Variants in SH3BP2 observed in about 807,000 individuals in gnomAD.
SH3BP2 encodes SH3 domain binding protein 2.
SH3BP2 carries 38 observed loss-of-function variants against 56.2 expected under a neutral mutation model. The ratio of observed to expected loss-of-function variants is 0.68; its 90% CI spans 0.52 to 0.89. SH3BP2 has a LOEUF of 0.89. Among genes scored for constraint, SH3BP2 ranks in the 40% least tolerant of loss-of-function variants. SH3BP2 has a pLI of 0.00. For missense variants in SH3BP2, 748 were observed against 762.6 expected (o/e 0.98, Z 0.23); for synonymous variants, 346 against 316.7 (o/e 1.09, Z -0.98).
In SH3BP2 at chr4:2,829,958, C is replaced by G. The variant is rs1724890588; in HGVS notation, c.1052C>G (p.Pro351Arg). 2.5e-6 allele frequency: 4 copies of G among 1,613,420 alleles called. No homozygotes were observed. The highest frequency in any genetic ancestry group is 2.2e-5 in the East Asian group (1 of 44,896). Residue 351 changes from proline (P) to arginine (R), a missense_variant, in exon 8 of 13, where the codon CCT becomes CGT. Transcript: ENST00000503393. This position sits in a 1 kb window ranked among gnomAD's most constrained non-coding sequence, Gnocchi z 4.9. Reference protein sequence around the residue: ...PRGPPTSEPPPVPANKPKFLK... With the variant: ...PRGPPTSEPPRVPANKPKFLK... ...GGACCACCCACATCTGAGCCCCCAC[C>G]TGTGCCAGCCAACAAGCCCAAGTTC... is the stretch of plus-strand genomic sequence containing the variant.
chr4:2,831,918 T>C lies in SH3BP2; in HGVS notation c.1351-5T>C, dbSNP rs1212818122. On this transcript the variant is annotated splice_polypyrimidine_tract_variant and splice_region_variant and intron_variant, in intron 9 of 12. Coordinates refer to ENST00000503393, the MANE Select transcript of SH3BP2 (RefSeq NM_001122681.2). The surrounding 1 kb of genome is among the most constrained non-coding windows in gnomAD (Gnocchi z 4.1). ...GTTGGCACTGACACCGTCAGCCTCT[T>C]GCAGGTGCCACTGCCCAACTCGGTC... 1 of 1,612,712 alleles carries C rather than the reference T, an allele frequency of 6.2e-7. No homozygotes were observed. The highest frequency in any genetic ancestry group is 8.5e-7 in the Non-Finnish European group (1 of 1,179,992).
chr4:2,802,478 A>C (rs28522320), intron 1 of SH3BP2, among the ~76,000 whole-genome samples: 34,463 of 146,804 alleles, frequency 0.23, 4,686 homozygotes, highest in African/African-American at 0.36. Context: ...GTGTATGTGT[A>C]TATATATGTG....
intron 1 of SH3BP2, chr4:2,814,849 T>C (rs1432086117): frequency 2.6e-5 from 4 of 152,326 alleles, no homozygotes; most frequent in African/African-American, 9.6e-5. Flanking sequence ...CGCAGCAGCA[T>C]GGTGACAGGT....
chr4:2,802,244 C>T (rs1354464139), intron 1 of SH3BP2, among the ~76,000 whole-genome samples: 4 of 152,054 alleles, frequency 2.6e-5, no homozygotes, highest in Non-Finnish European at 4.4e-5. Context: ...ACTAAAAATA[C>T]AAATTAGCTG....
At position 2,840,252 on chromosome 4, in the gene SH3BP2, AAAG is replaced by A. The variant is rs1279161404; in HGVS notation, c.*6421_*6423del. On this transcript the variant is annotated 3_prime_UTR_variant, in exon 13 of 13. Coordinates refer to ENST00000503393, the MANE Select transcript of SH3BP2 (RefSeq NM_001122681.2). ...AAAAAACCAAAAAAAAAAAAAAAAA[AAAG>A]AAAACCACTGAAATTATTTCCACTC... 47 of 151,592 alleles carry A rather than the reference AAAG, an allele frequency of 3.1e-4. No individual in the cohort carries two copies. The highest frequency in any genetic ancestry group is 1.0e-3 in the African/African-American group (42 of 41,274). 9.4% of individuals were successfully genotyped at this position (151,592 alleles called of 1,614,324 possible).
At chr4:2,799,458 T>A (rs746742603) in intron 1 of SH3BP2, among the ~76,000 whole-genome samples, 1 of 152,164 alleles carries the variant, frequency 6.6e-6, no homozygotes. Flanking sequence ...TTCTTGAGGA[T>A]GTGACCAGGA....
chr4:2,827,660 C>G lies in SH3BP2; in HGVS notation c.572C>G (p.Pro191Arg), dbSNP rs764460704. ...DSYLEPDSPEPGRLEDALMHP... is the reference protein window; with the variant it reads ...DSYLEPDSPERGRLEDALMHP... ...TACCTGGAGCCTGACTCCCCGGAGC[C>G]CGGAAGGCTTGAGGGTAGGTGGGGC... The change falls in exon 7 of 13, where the codon CCC becomes CGC. Residue 191 changes from proline to arginine, a missense_variant. Around this residue, in one of 3 missense-constraint regions of SH3BP2, gnomAD observed 635 missense variants for 615.0 expected, o/e 1.03. Transcript: ENST00000503393. The G allele has an allele frequency of 7.5e-6, 12 of 1,593,344 alleles. No individual in the cohort carries two copies. The highest frequency in any genetic ancestry group is 1.0e-5 in the Non-Finnish European group (12 of 1,169,604).
At chr4:2,818,160 C>T (rs1010680616) in intron 1 of SH3BP2, 4 of 962,220 alleles carry the variant, frequency 4.2e-6, no homozygotes, top group Admixed American at 6.1e-5. Flanking sequence ...GGATCCTCAC[C>T]TGCCCGCCCA....
At chr4:2,824,273 G>C (rs888065620) in intron 3 of SH3BP2, among the ~76,000 whole-genome samples, 1 of 152,206 alleles carries the variant, frequency 6.6e-6, no homozygotes, top group African/African-American at 2.4e-5. Context: ...GTACCCCAGG[G>C]AGGCCAAGCA....
At position 2,820,691 on chromosome 4, in the gene SH3BP2, G is replaced by A; in HGVS notation, c.74G>A (p.Gly25Glu). The change falls in exon 2 of 13, where the codon GGG becomes GAG. Residue 25 changes from glycine to glutamate, a missense_variant. Around this residue, in one of 3 missense-constraint regions of SH3BP2, gnomAD observed 104 missense variants for 123.1 expected, o/e 0.84. Coordinates refer to ENST00000503393, the MANE Select transcript of SH3BP2 (RefSeq NM_001122681.2). ...IGAQNLLTMP[G>E]GVAKAGYLHK... ...GCCCAGAACCTGCTAACCATGCCTG[G>A]GGGCGTGGCCAAGGCTGGCTACCTG... 6.2e-7 allele frequency: 1 copy of A among 1,614,168 alleles called. No homozygotes were observed. The highest frequency in any genetic ancestry group is 8.5e-7 in the Non-Finnish European group (1 of 1,180,000).
intron 1 of SH3BP2, among the ~76,000 whole-genome samples, chr4:2,804,589 C>G (rs1723451715): frequency 6.6e-6 from 1 of 152,230 alleles, no homozygotes. Context: ...CTGTACCCCA[C>G]ATGGCGTGGC....
intron 5 of SH3BP2, 77 bp from the exon 6 acceptor site, chr4:2,827,153 G>A (rs776613919): frequency 2.6e-6 from 3 of 1,138,996 alleles, no homozygotes; most frequent in Non-Finnish European, 4.0e-6. Flanking sequence ...GTGTGCCTGT[G>A]TGTACCTTTG....
intron 1 of SH3BP2, among the ~76,000 whole-genome samples, chr4:2,807,137 G>A (rs1448363783): frequency 6.6e-6 from 1 of 152,236 alleles, no homozygotes; most frequent in Non-Finnish European, 1.5e-5. Context: ...CTGTTTTGCA[G>A]CGAGCAGCCT....
chr4:2,814,891 G>A (rs1723927012), intron 1 of SH3BP2: 1 of 152,310 alleles, frequency 6.6e-6, no homozygotes, highest in Non-Finnish European at 1.5e-5. Flanking sequence ...ACAGAGGAAG[G>A]GACTGAAGCA....
intron 2 of SH3BP2, among the ~76,000 whole-genome samples, chr4:2,820,957 G>A (rs1157426152): frequency 6.6e-6 from 1 of 152,122 alleles, no homozygotes; most frequent in Non-Finnish European, 1.5e-5. Context: ...CCGGGGTGGT[G>A]CACAGTGCTG....
At chr4:2,813,222 C>T (rs1723840557) in intron 1 of SH3BP2, among the ~76,000 whole-genome samples, 1 of 152,212 alleles carries the variant, frequency 6.6e-6, no homozygotes, top group African/African-American at 2.4e-5. Flanking sequence ...GCCCCATCTG[C>T]ACATCCCACG....
intron 1 of SH3BP2, among the ~76,000 whole-genome samples, chr4:2,815,982 G>T (rs920478813): frequency 1.7e-4 from 26 of 152,140 alleles, no homozygotes; most frequent in African/African-American, 6.0e-4. Flanking sequence ...TTGGATTGTT[G>T]CTAGTATATA....
intron 3 of SH3BP2, 60 bp downstream of exon 3, chr4:2,823,097 A>T: frequency 3.2e-6 from 4 of 1,246,884 alleles, no homozygotes; most frequent in Non-Finnish European, 3.5e-6. Flanking sequence ...CCCTCCCAGC[A>T]GAGCCCCAGC....
rs151102529 is a variant in SH3BP2, at chr4:2,829,773, C to T, written c.867C>T (p.Pro289=). The change falls in exon 8 of 13, where the codon CCC becomes CCT. Residue 289 remains proline (P), a synonymous_variant. Transcript: ENST00000503393. The surrounding 1 kb of genome is among the most constrained non-coding windows in gnomAD (Gnocchi z 4.9). ...DPPLSTMPTA[P]GLRKPPCFRE... ...CTCTGAGCACCATGCCCACCGCACC[C>T]GGCCTCCGGAAACCCCCTTGCTTCC... is the stretch of plus-strand genomic sequence containing the variant. The T allele has an allele frequency of 5.5e-5, 88 of 1,613,032 alleles. No individual in the cohort carries two copies. The highest frequency in any genetic ancestry group is 1.6e-4 in the Middle Eastern group (1 of 6,084).
Sources: gnomAD v4.1 joint callset for allele counts (sites outside exome capture counted in the v4.1 genomes callset) on GRCh38, gnomAD v4.1.1 for gene constraint, gnomAD v4.1.1 regional missense constraint, Gnocchi (gnomAD v3.1) non-coding constraint, MANE v1.5 for transcripts, NCBI Gene and HGNC (gene_info 2026-07-23, HGNC 2026-07-21) for gene names.